Variants in CAMLG observed in about 807,000 individuals in gnomAD.
CAMLG encodes the protein calcium modulating ligand, also known as guided entry of tail-anchored proteins factor CAMLG.
In CAMLG, 23 loss-of-function variants were observed where a neutral mutation model predicts 28.9. The observed-to-expected ratio is 0.80, with a 90% confidence interval of 0.57 to 1.13. CAMLG has a LOEUF of 1.13. CAMLG is among the 50% of genes most tolerant of loss of function. The probability of loss-of-function intolerance (pLI) is 0.00; values close to 1 mark genes in which losing one functional copy is unlikely to be tolerated. For synonymous variants in CAMLG, 141 were observed against 146.5 expected, an observed-to-expected ratio of 0.96 and a Z score of 0.27; for missense variants, 367 against 371.9, an observed-to-expected ratio of 0.99 and a Z score of 0.11.
intron 3 of CAMLG, among the ~76,000 whole-genome samples, chr5:134,745,397 C>T (rs1427636566): frequency 2.8e-5 from 4 of 141,136 alleles, no homozygotes; most frequent in Non-Finnish European, 6.0e-5. Context: ...GATTGCGCCA[C>T]TGTACTCCAG....
At chr5:134,749,978 T>C (rs1273224138) in intron 3 of CAMLG, among the ~76,000 whole-genome samples, 1 of 152,240 alleles carries the variant, frequency 6.6e-6, no homozygotes, top group Non-Finnish European at 1.5e-5. Flanking sequence ...GTGCTGGGAT[T>C]AGAGGCATGA....
In CAMLG at chr5:134,751,027, C is replaced by T; in HGVS notation, c.*77C>T. 1 of 1,110,878 alleles carries T rather than the reference C, an allele frequency of 9.0e-7. No individual in the cohort carries two copies. Among genetic ancestry groups the T allele is most frequent in the Non-Finnish European group, 1.3e-6 (1 of 772,112 alleles). The allele number at this position is 1,110,878 out of a possible 1,614,324, so 68.8% of individuals were successfully genotyped here. A position where few individuals can be genotyped will look rare whatever the true frequency, so the allele number is the denominator to read the frequency against. On this transcript the variant is annotated 3_prime_UTR_variant, in exon 4 of 4. Coordinates refer to ENST00000297156, the MANE Select transcript of CAMLG (RefSeq NM_001745.4). ...TATATTGCAGTGTCTCTAAAGGAGG[C>T]AAATTGGTTTACACCTTCATGTAAT...
In CAMLG at chr5:134,738,643, C is replaced by T. The variant is rs1356030830; in HGVS notation, c.23C>T (p.Thr8Ile). Residue 8 changes from threonine to isoleucine, a missense_variant, in exon 1 of 4, where the codon ACC (threonine) becomes ATC (isoleucine). Transcript: ENST00000297156. ...AGGATGGAGTCGATGGCCGTCGCTA[C>T]CGACGGCGGGGAGAGGCCGGGGGTC... MESMAVA[T>I]DGGERPGVPA... 3.7e-6 allele frequency: 6 copies of T among 1,611,834 alleles called. No homozygotes were observed. Among genetic ancestry groups the T allele is most frequent in the Admixed American group, 1.7e-5 (1 of 59,640 alleles).
rs751658223 is a variant in CAMLG at position 134,744,527 on chromosome 5, C to CAAAAAA, written c.699+489_699+494dup. Reference sequence around the variant, plus strand: ...GGGTGACAGAGTGAGACTCTGTCTCCAAAAAAAAAAAAAAAAAAAGAGTAA... The same window carrying CAAAAAA: ...GGGTGACAGAGTGAGACTCTGTCTCCAAAAAAAAAAAAAAAAAAAAAAAAAGAGTAA... On this transcript the variant is annotated intron_variant, in intron 3 of 3. Coordinates refer to ENST00000297156, the MANE Select transcript of CAMLG (RefSeq NM_001745.4). Among the ~76,000 whole-genome samples the CAAAAAA allele has an allele frequency of 8.9e-3, 542 of 60,560 alleles. 10 individuals carry two copies. Among genetic ancestry groups the CAAAAAA allele is most frequent in the African/African-American group, 0.026 (507 of 19,184 alleles). 39.7% of individuals were successfully genotyped at this position (60,560 alleles called of 152,430 possible). A position where few individuals can be genotyped will look rare whatever the true frequency, so the allele number is the denominator to read the frequency against.
In CAMLG at chr5:134,741,220, G is replaced by T; in HGVS notation, c.330G>T (p.Leu110=). 6.2e-7 allele frequency: 1 copy of T among 1,614,168 alleles called. No homozygotes were observed. Among genetic ancestry groups the T allele is most frequent in the Admixed American group, 1.7e-5 (1 of 59,996 alleles). The part of the protein sequence containing the change: ...GGVAEVKGTQ[L]GDKLDSFIKP... ...TGGCCGAGGTAAAGGGGACCCAACT[G>T]GGAGACAAATTGGACTCGTTCATTA... Residue 110 remains leucine, a synonymous_variant, in exon 2 of 4, where the codon CTG becomes CTT. Coordinates refer to ENST00000297156, the MANE Select transcript of CAMLG (RefSeq NM_001745.4).
Position 134,750,876 on chromosome 5 carries a change from G to C in CAMLG, c.817G>C (p.Asp273His). ...TAGCAAAATGGGCGAAGTCTTCACA[G>C]ATCTCTGTGTCTACTTTTTCACTTT... is the stretch of plus-strand genomic sequence containing the variant. ...TYSKMGEVFT[D>H]LCVYFFTFIF... is the part of the protein sequence containing the mutation. Residue 273 changes from aspartate to histidine, a missense_variant, in exon 4 of 4, where the codon GAT (aspartate) becomes CAT (histidine). Coordinates refer to ENST00000297156, the MANE Select transcript of CAMLG (RefSeq NM_001745.4). 1 of 1,613,958 alleles carries C rather than the reference G, an allele frequency of 6.2e-7. No homozygotes were observed.
At chr5:134,743,654 T>A (rs1188335017) in intron 2 of CAMLG, among the ~76,000 whole-genome samples, 1 of 151,334 alleles carries the variant, frequency 6.6e-6, no homozygotes, top group Non-Finnish European at 1.5e-5. Flanking sequence ...GATCACGAGG[T>A]CAGGAGTTCT....
At position 134,751,266 on chromosome 5, in the gene CAMLG, T is replaced by G. The variant is rs1753111422; in HGVS notation, c.*316T>G. Reference sequence around the variant, plus strand: ...CTTTTGGGAGCTGAGCTAGTGCTTTTAGGAGAACAGATAAATGTGGTCTCA... The same window carrying G: ...CTTTTGGGAGCTGAGCTAGTGCTTTGAGGAGAACAGATAAATGTGGTCTCA... On this transcript the variant is annotated 3_prime_UTR_variant, in exon 4 of 4. Coordinates refer to ENST00000297156, the MANE Select transcript of CAMLG (RefSeq NM_001745.4). 4.8e-6 allele frequency: 1 copy of G among 209,632 alleles called. No individual in the cohort carries two copies. Among genetic ancestry groups the G allele is most frequent in the Admixed American group, 5.2e-5 (1 of 19,096 alleles). The allele number at this position is 209,632 out of a possible 1,614,324, so 13.0% of individuals were successfully genotyped here.
chr5:134,747,845 C>G (rs530639703), intron 3 of CAMLG, among the ~76,000 whole-genome samples: 10 of 150,050 alleles, frequency 6.7e-5, no homozygotes, highest in Non-Finnish European at 4.4e-5. Flanking sequence ...TTTCACCATG[C>G]TGACCAGGAT....
intron 2 of CAMLG, 98 bp downstream of exon 2, chr5:134,741,621 A>C: frequency 4.1e-6 from 3 of 739,290 alleles, no homozygotes; most frequent in Non-Finnish European, 6.8e-6. Context: ...TGCCAGTATT[A>C]ATATCTACCA....
At position 134,738,684 on chromosome 5, in the gene CAMLG, C is replaced by T. The variant is rs779413552; in HGVS notation, c.64C>T (p.Leu22=). ...ERPGVPAGSG[L]SASQRRAELR... is the part of the protein sequence containing the mutation. ...GCCGGGGGTCCCAGCGGGCTCAGGT[C>T]TGTCGGCTTCCCAGCGTCGGGCGGA... The change falls in exon 1 of 4, where the codon CTG becomes TTG. Residue 22 remains leucine (L), a synonymous_variant. Transcript: ENST00000297156. The T allele has an allele frequency of 2.0e-5, 32 of 1,613,854 alleles. No homozygotes were observed. The highest frequency in any genetic ancestry group is 2.7e-5 in the Non-Finnish European group (32 of 1,179,948).
chr5:134,744,039 A>C lies in CAMLG; in HGVS notation c.686A>C (p.Lys229Thr). ...TLQLAYMGLY[K>T]YFPKSEKKIK... ...CAACTTGCGTACATGGGATTATACA[A>C]ATATTTTCCCAAGGTAAATTAATTT... is the stretch of plus-strand genomic sequence containing the variant. Residue 229 changes from lysine to threonine, a missense_variant, in exon 3 of 4, where the codon AAA (lysine) becomes ACA (threonine). Coordinates refer to ENST00000297156, the MANE Select transcript of CAMLG (RefSeq NM_001745.4). 1 of 1,402,946 alleles carries C rather than the reference A, an allele frequency of 7.1e-7. No homozygotes were observed. 86.9% of individuals were successfully genotyped at this position (1,402,946 alleles called of 1,614,324 possible). A position where few individuals can be genotyped will look rare whatever the true frequency, so the allele number is the denominator to read the frequency against.
Position 134,741,413 on chromosome 5 carries a change from A to C in CAMLG, c.523A>C (p.Ser175Arg). ...LRKQLISEKPSQEDGNTTEEF... is the reference protein window; with the variant it reads ...LRKQLISEKPRQEDGNTTEEF... Reference sequence around the variant, plus strand: ...GAAACAGCTGATTAGTGAAAAACCCAGTCAAGAGGATGGAAATACAACAGA... The same window carrying C: ...GAAACAGCTGATTAGTGAAAAACCCCGTCAAGAGGATGGAAATACAACAGA... The change falls in exon 2 of 4, where the codon AGT becomes CGT. Residue 175 changes from serine (S) to arginine (R), a missense_variant. Transcript: ENST00000297156. 1.2e-6 allele frequency: 2 copies of C among 1,614,038 alleles called. No homozygotes were observed. The highest frequency in any genetic ancestry group is 1.7e-6 in the Non-Finnish European group (2 of 1,179,850).
Position 134,750,930 on chromosome 5 carries a change from TG to T in CAMLG, c.875del (p.Gly292AlafsTer29), listed in dbSNP as rs745369514. On this transcript the variant is annotated frameshift_variant, in exon 4 of 4. Coordinates refer to ENST00000297156, the MANE Select transcript of CAMLG (RefSeq NM_001745.4). LOFTEE classifies it high-confidence loss of function. ...CTTTTGTCATGAACTGCTTGATTATTGGGGCTCTGAAGTACCATGAAGCCTG... is the reference window on the plus strand; with the variant it reads ...CTTTTGTCATGAACTGCTTGATTATTGGGCTCTGAAGTACCATGAAGCCTG... Reference protein sequence around the residue: ...FIFCHELLDYWGSEVP With the variant: ...FIFCHELLDYXGSEVP The T allele has an allele frequency of 6.2e-7, 1 of 1,613,366 alleles. No homozygotes were observed. Among genetic ancestry groups the T allele is most frequent in the South Asian group, 1.1e-5 (1 of 91,044 alleles).
rs1157095660 is a variant in CAMLG at position 134,739,238 on chromosome 5, A to G, written c.172+446A>G. ...TACCTTCTTTTGCCTTTTGCTGTGT[A>G]ACTCCTGTCCGCCCACATCAGCCTG... On this transcript the variant is annotated intron_variant, in intron 1 of 3. Coordinates refer to ENST00000297156, the MANE Select transcript of CAMLG (RefSeq NM_001745.4). Among the ~76,000 whole-genome samples the G allele has an allele frequency of 2.0e-5, 3 of 152,024 alleles. No individual in the cohort carries two copies. The East Asian group carries it at 5.8e-4, about 29-fold the overall frequency.
chr5:134,747,482 T>C (rs1245449732), intron 3 of CAMLG, among the ~76,000 whole-genome samples: 1 of 152,068 alleles, frequency 6.6e-6, no homozygotes, highest in African/African-American at 2.4e-5. Context: ...TAGCTGGGAC[T>C]ACAGGCGCCC....
intron 2 of CAMLG, 147 bp downstream of exon 2, chr5:134,741,670 C>T: frequency 1.6e-6 from 1 of 624,668 alleles, no homozygotes; most frequent in South Asian, 2.0e-5. Context: ...ATTAACTTTG[C>T]TATTCATCTC....
At chr5:134,745,326 C>T (rs1349534783) in intron 3 of CAMLG, among the ~76,000 whole-genome samples, 1 of 151,444 alleles carries the variant, frequency 6.6e-6, no homozygotes, top group Non-Finnish European at 1.5e-5. Context: ...GTCCCAGCTA[C>T]TCGGGAGGCT....
intron 3 of CAMLG, among the ~76,000 whole-genome samples, chr5:134,745,581 A>G (rs578030229): frequency 6.6e-6 from 1 of 151,780 alleles, no homozygotes; most frequent in African/African-American, 2.4e-5. Context: ...GCGAAACCCC[A>G]TCTCTACTAA....
Sources: allele counts gnomAD v4.1 joint callset (sites outside exome capture counted in the v4.1 genomes callset), GRCh38; gene constraint gnomAD v4.1.1; transcripts MANE v1.5; gene names NCBI Gene and HGNC (gene_info 2026-07-23, HGNC 2026-07-21).